PDPK1: variants seen among roughly 807,000 people sequenced by gnomAD.
The protein encoded by PDPK1 is 3-phosphoinositide-dependent protein kinase 1.
A neutral mutation model predicts 39.8 loss-of-function variants in PDPK1; 7 were observed. The observed-to-expected ratio is 0.18, with a 90% CI of 0.10 to 0.33. The LOEUF is 0.33. Among genes scored for constraint, PDPK1 ranks in the 10% least tolerant of loss-of-function variants. The pLI is 1.00. For missense variants in PDPK1, 182 were observed against 384.7 expected (o/e 0.47, Z 4.41); for synonymous variants, 118 against 159.1 (o/e 0.74, Z 1.95).
rs2066426043 is a variant in PDPK1 at position 2,552,117 on chromosome 16, CGCCACTAT to C, written c.25-5582_25-5575del. On this transcript the variant is annotated intron_variant, in intron 1 of 13. Transcript: ENST00000342085. Reference sequence around the variant, plus strand: ...ACAGGTAGCTAGGACTATAGGCACACGCCACTATGCCTGGCTACTTTTTATATATTTTT... The same window carrying C: ...ACAGGTAGCTAGGACTATAGGCACACGCCTGGCTACTTTTTATATATTTTT... 2.6e-5 allele frequency among the ~76,000 whole-genome samples: 4 copies of C among 151,258 alleles called. No homozygotes were observed. In the South Asian group the frequency reaches 8.4e-4, roughly 32 times the overall value.
At chr16:2,540,848 G>A (rs2066231825) in intron 1 of PDPK1, among the ~76,000 whole-genome samples, 1 of 152,238 alleles carries the variant, frequency 6.6e-6, no homozygotes, top group Non-Finnish European at 1.5e-5. Flanking sequence ...GTAGAATTGG[G>A]GGACTAGGCA....
chr16:2,595,886 A>G, intron 12 of PDPK1, 36 bp downstream of exon 12: 1 of 1,537,708 alleles, frequency 6.5e-7, no homozygotes, highest in Non-Finnish European at 9.0e-7. Context: ...CCGCACGGAC[A>G]CCTGCATCTT....
chr16:2,593,147 C>T lies in PDPK1; in HGVS notation c.1344-2646C>T, dbSNP rs774136090. ...AGCGGGAGCACCACTCCTGCACGCC[C>T]GTGCCTGTGGCATGCCCAGATGATC... On this transcript the variant is annotated intron_variant, in intron 11 of 13. Transcript: ENST00000342085. The surrounding 1 kb of genome is among the most constrained non-coding windows in gnomAD (Gnocchi z 4.2). 1.1e-5 allele frequency: 5 copies of T among 454,074 alleles called. No individual in the cohort carries two copies. Among genetic ancestry groups the T allele is most frequent in the Non-Finnish European group, 1.8e-5 (4 of 226,628 alleles). The allele number at this position is 454,074 out of a possible 1,614,324, so 28.1% of individuals were successfully genotyped here.
chr16:2,602,783 T>C lies in PDPK1; in HGVS notation c.*5016T>C. On this transcript the variant is annotated 3_prime_UTR_variant, in exon 14 of 14. Transcript: ENST00000342085. ...CTGTGATGTACAGACAAAGCAAAAA[T>C]TAAAAGAACTTATGAAAACAAATGC... is the stretch of plus-strand genomic sequence containing the variant. The C allele has an allele frequency of 4.3e-6, 1 of 234,416 alleles. No homozygotes were observed. Among genetic ancestry groups the C allele is most frequent in the Non-Finnish European group, 8.5e-6 (1 of 117,882 alleles). 14.5% of individuals were successfully genotyped at this position (234,416 alleles called of 1,614,324 possible). A position where few individuals can be genotyped will look rare whatever the true frequency, so the allele number is the denominator to read the frequency against.
chr16:2,538,337 C>A (rs2066175557), intron 1 of PDPK1: 1 of 398,406 alleles, frequency 2.5e-6, no homozygotes, highest in Admixed American at 3.7e-5. Context: ...GCCTGGGTTG[C>A]GGCGGGCGGC....
chr16:2,596,068 C>A (rs555362911), intron 12 of PDPK1, among the ~76,000 whole-genome samples: 1 of 152,356 alleles, frequency 6.6e-6, no homozygotes, highest in South Asian at 2.1e-4. Context: ...AGCAACCGCC[C>A]ACACTCCTGG....
intron 10 of PDPK1, among the ~76,000 whole-genome samples, 200 bp from the exon 11 acceptor site, chr16:2,586,476 G>T (rs1341202818): frequency 6.6e-6 from 1 of 152,266 alleles, no homozygotes; most frequent in Non-Finnish European, 1.5e-5. Flanking sequence ...AGAGGAGCCC[G>T]ACCAGGCAGG....
rs2067180949 is a variant in PDPK1, at chr16:2,599,865, C to T, written c.*2098C>T. On this transcript the variant is annotated 3_prime_UTR_variant, in exon 14 of 14. Coordinates refer to ENST00000342085, the MANE Select transcript of PDPK1 (RefSeq NM_002613.5). ...CACTCGGCTGGGCTGCTTGGGGAGA[C>T]TCTTCCGTGCGTTCTTCCTCTGGAT... is the stretch of plus-strand genomic sequence containing the variant. The T allele has an allele frequency of 4.3e-6, 1 of 233,830 alleles. No homozygotes were observed. The highest frequency in any genetic ancestry group is 5.6e-5 in the Admixed American group (1 of 17,808). The allele number at this position is 233,830 out of a possible 1,614,324, so 14.5% of individuals were successfully genotyped here.
chr16:2,538,887 G>A (rs1262494473), intron 1 of PDPK1: 6 of 656,510 alleles, frequency 9.1e-6, no homozygotes, highest in Non-Finnish European at 1.3e-5. Context: ...TATCCCTCGT[G>A]TTTTTATGTT....
rs1321127605 is a variant in PDPK1, at chr16:2,593,818, C to G, written c.1344-1975C>G. ...CTGCCGGCTCTGTGGTCCCTCCAGG[C>G]ATTTCTGTGCTCTATGCTTTCTGTG... On this transcript the variant is annotated intron_variant, in intron 11 of 13. Coordinates refer to ENST00000342085, the MANE Select transcript of PDPK1 (RefSeq NM_002613.5). This position sits in a 1 kb window ranked among gnomAD's most constrained non-coding sequence, Gnocchi z 4.2. The G allele has an allele frequency of 6.5e-6, 1 of 152,678 alleles. No individual in the cohort carries two copies. The highest frequency in any genetic ancestry group is 1.9e-4 in the East Asian group (1 of 5,210). The allele number at this position is 152,678 out of a possible 1,614,324, so 9.5% of individuals were successfully genotyped here. A position where few individuals can be genotyped will look rare whatever the true frequency, so the allele number is the denominator to read the frequency against.
chr16:2,551,880 G>A (rs745675069), intron 1 of PDPK1, among the ~76,000 whole-genome samples: 2 of 151,468 alleles, frequency 1.3e-5, no homozygotes, highest in South Asian at 4.2e-4. Flanking sequence ...TGGCCAGGCT[G>A]GTCTCAAACT....
chr16:2,538,790 G>A (rs1170629966), intron 1 of PDPK1: 2 of 1,277,512 alleles, frequency 1.6e-6, no homozygotes, highest in Non-Finnish European at 2.0e-6. Context: ...GATTTTAGGG[G>A]AAGGACCAAA....
Position 2,598,130 on chromosome 16 carries a change from C to T in PDPK1, c.*363C>T, listed in dbSNP as rs1040790639. 3 of 292,958 alleles carry T rather than the reference C, an allele frequency of 1.0e-5. No individual in the cohort carries two copies. Among genetic ancestry groups the T allele is most frequent in the South Asian group, 1.4e-4 (2 of 13,998 alleles). The allele number at this position is 292,958 out of a possible 1,614,324, so 18.1% of individuals were successfully genotyped here. ...TTTCCTAGCATCAGTCCGAACCATG[C>T]GCCCGCCCTGCCCCAACTGTGTGCT... On this transcript the variant is annotated 3_prime_UTR_variant, in exon 14 of 14. Coordinates refer to ENST00000342085, the MANE Select transcript of PDPK1 (RefSeq NM_002613.5).
At position 2,540,369 on chromosome 16, in the gene PDPK1, A is replaced by G. The variant is rs1469384478; in HGVS notation, c.24+2233A>G. 2.6e-5 allele frequency among the ~76,000 whole-genome samples: 4 copies of G among 152,180 alleles called. No homozygotes were observed. In the East Asian group the frequency reaches 7.7e-4, roughly 29 times the overall value. ...ACTCAAGACAGGCGCTTCCCTAGGTACTTTCACACCTCATTGCGAGGTAGG... is the reference window on the plus strand; with the variant it reads ...ACTCAAGACAGGCGCTTCCCTAGGTGCTTTCACACCTCATTGCGAGGTAGG... On this transcript the variant is annotated intron_variant, in intron 1 of 13. Coordinates refer to ENST00000342085, the MANE Select transcript of PDPK1 (RefSeq NM_002613.5).
At position 2,600,094 on chromosome 16, in the gene PDPK1, C is replaced by T. The variant is rs531109247; in HGVS notation, c.*2327C>T. 52 of 233,354 alleles carry T rather than the reference C, an allele frequency of 2.2e-4. No homozygotes were observed. Among genetic ancestry groups the T allele is most frequent in the Admixed American group, 9.0e-4 (16 of 17,806 alleles). 14.5% of individuals were successfully genotyped at this position (233,354 alleles called of 1,614,324 possible). A position where few individuals can be genotyped will look rare whatever the true frequency, so the allele number is the denominator to read the frequency against. ...TTGAAAGGCCCGTGTGTTTTCTTTCCTTACCCTGTGCTTGCTCATGTCTAC... is the reference window on the plus strand; with the variant it reads ...TTGAAAGGCCCGTGTGTTTTCTTTCTTTACCCTGTGCTTGCTCATGTCTAC... On this transcript the variant is annotated 3_prime_UTR_variant, in exon 14 of 14. Transcript: ENST00000342085.
At position 2,597,124 on chromosome 16, in the gene PDPK1, G is replaced by A; in HGVS notation, c.1403G>A (p.Gly468Asp). ...LKMGPVDKRK[G>D]LFARRRQLLL... is the part of the protein sequence containing the mutation. ...TGTTGTTTTGTGTTTTGGCGTCAGG[G>A]TTTATTTGCAAGACGACGACAGCTG... The change falls in exon 13 of 14, where the codon GGT (glycine) becomes GAT (aspartate). Residue 468 changes from glycine to aspartate, a missense_variant and splice_region_variant. Physicochemically the swap from Gly to Asp is moderately conservative, Grantham distance 94. Around this residue, in one of 5 missense-constraint regions of PDPK1, gnomAD observed 90 missense variants for 111.9 expected, o/e 0.80. Coordinates refer to ENST00000342085, the MANE Select transcript of PDPK1 (RefSeq NM_002613.5). This position sits in a 1 kb window ranked among gnomAD's most constrained non-coding sequence, Gnocchi z 6.3. 6.4e-7 allele frequency: 1 copy of A among 1,558,914 alleles called. No individual in the cohort carries two copies.
At chr16:2,596,040 C>G (rs973631660) in intron 12 of PDPK1, among the ~76,000 whole-genome samples, 190 bp downstream of exon 12, 2 of 152,196 alleles carry the variant, frequency 1.3e-5, no homozygotes, top group African/African-American at 2.4e-5. Flanking sequence ...CACGCGTAGG[C>G]GGTTAGGGCA....
At chr16:2,591,625 T>A (rs1042043774) in intron 11 of PDPK1, among the ~76,000 whole-genome samples, 5 of 152,214 alleles carry the variant, frequency 3.3e-5, no homozygotes, top group Admixed American at 2.0e-4. Flanking sequence ...TGAGTGAGGC[T>A]GGGTGTTTGC....
chr16:2,602,137 G>T lies in PDPK1; in HGVS notation c.*4370G>T, dbSNP rs1163837396. On this transcript the variant is annotated 3_prime_UTR_variant, in exon 14 of 14. Coordinates refer to ENST00000342085, the MANE Select transcript of PDPK1 (RefSeq NM_002613.5). Reference sequence around the variant, plus strand: ...AATACGGTGAAGGTACTTTGTTCTGGAAGATGTTGTCATACACTTTTCCCC... The same window carrying T: ...AATACGGTGAAGGTACTTTGTTCTGTAAGATGTTGTCATACACTTTTCCCC... 4.3e-6 allele frequency: 1 copy of T among 234,584 alleles called. No individual in the cohort carries two copies. Among genetic ancestry groups the T allele is most frequent in the Non-Finnish European group, 8.5e-6 (1 of 118,008 alleles). 14.5% of individuals were successfully genotyped at this position (234,584 alleles called of 1,614,324 possible). A position where few individuals can be genotyped will look rare whatever the true frequency, so the allele number is the denominator to read the frequency against.
Sources: allele counts gnomAD v4.1 joint callset (sites outside exome capture counted in the v4.1 genomes callset), GRCh38; gene constraint gnomAD v4.1.1; regional missense constraint gnomAD v4.1.1; non-coding constraint Gnocchi (gnomAD v3.1); transcripts MANE v1.5; gene names NCBI Gene and HGNC (gene_info 2026-07-23, HGNC 2026-07-21).